Variants in EPB41L1 observed in about 807,000 individuals in gnomAD.
EPB41L1 encodes erythrocyte membrane protein band 4.1 like 1.
In EPB41L1, 29 loss-of-function variants were observed where a neutral mutation model predicts 97.8. The ratio of observed to expected loss-of-function variants is 0.30; its 90% CI spans 0.22 to 0.40. The LOEUF (loss-of-function observed/expected upper bound fraction) is 0.40, where lower values mean the gene tolerates loss of function less well. Among genes scored for constraint, EPB41L1 ranks in the 10% least tolerant of loss-of-function variants. EPB41L1 has a pLI of 1.00. For synonymous variants in EPB41L1, 383 were observed against 459.2 expected, an observed-to-expected ratio of 0.83 and a Z score of 2.12; for missense variants, 812 against 1,162.3, an observed-to-expected ratio of 0.70 and a Z score of 4.38.
chr20:36,166,869 AAAAG>A (rs2060759070), intron 1 of EPB41L1, among the ~76,000 whole-genome samples: 1 of 152,188 alleles, frequency 6.6e-6, no homozygotes, highest in African/African-American at 2.4e-5. Context: ...TCTCCAAAAA[AAAAG>A]AAAGAGAAAA....
At chr20:36,210,752 T>G (rs1461362162) in intron 15 of EPB41L1, among the ~76,000 whole-genome samples, 1 of 152,162 alleles carries the variant, frequency 6.6e-6, no homozygotes, top group Non-Finnish European at 1.5e-5. Context: ...TGCCCTGTAA[T>G]GCCTATGCTC....
intron 15 of EPB41L1, among the ~76,000 whole-genome samples, chr20:36,210,471 C>T (rs141077348): frequency 2.6e-5 from 4 of 152,190 alleles, no homozygotes; most frequent in South Asian, 4.1e-4. Flanking sequence ...CTCTAAGGCA[C>T]GCCTGCCCAT....
intron 2 of EPB41L1, among the ~76,000 whole-genome samples, chr20:36,121,311 G>C (rs2058745504): frequency 6.6e-6 from 1 of 152,172 alleles, no homozygotes; most frequent in Non-Finnish European, 1.5e-5. Flanking sequence ...TCGTTCTCTG[G>C]CATTTCCCAA....
chr20:36,208,396 C>T (rs775271847), intron 14 of EPB41L1: 7 of 446,090 alleles, frequency 1.6e-5, no homozygotes, highest in African/African-American at 1.4e-4. Context: ...TTGCCAGCCC[C>T]TCGGGCCCTC....
intron 1 of EPB41L1, among the ~76,000 whole-genome samples, chr20:36,157,226 G>A (rs1207405233): frequency 1.0e-4 from 15 of 149,842 alleles, no homozygotes; most frequent in Admixed American, 8.6e-4. Flanking sequence ...CCCTCTCAAA[G>A]AAAAAAAAAG....
rs780799079 is a variant in EPB41L1, at chr20:36,207,644, C to G, written c.1669-1844C>G. Reference sequence around the variant, plus strand: ...TTTGCCAGCCCCAAAGCCACACATTCCACAGTGATACCTCTGGCTACCAGA... The same window carrying G: ...TTTGCCAGCCCCAAAGCCACACATTGCACAGTGATACCTCTGGCTACCAGA... On this transcript the variant is annotated intron_variant, in intron 14 of 21. Transcript: ENST00000338074. This position sits in a 1 kb window ranked among gnomAD's most constrained non-coding sequence, Gnocchi z 4.9. 9.3e-6 allele frequency: 12 copies of G among 1,290,036 alleles called. No individual in the cohort carries two copies. Among genetic ancestry groups the G allele is most frequent in the Non-Finnish European group, 1.1e-5 (11 of 988,942 alleles). The allele number at this position is 1,290,036 out of a possible 1,614,324, so 79.9% of individuals were successfully genotyped here. A position where few individuals can be genotyped will look rare whatever the true frequency, so the allele number is the denominator to read the frequency against.
At chr20:36,161,930 TG>T (rs201722455) in intron 1 of EPB41L1, among the ~76,000 whole-genome samples, 3 of 151,476 alleles carry the variant, frequency 2.0e-5, no homozygotes, top group Non-Finnish European at 2.9e-5. Flanking sequence ...CCGGCTAATT[TG>T]GGGGGGGCAC....
intron 6 of EPB41L1, among the ~76,000 whole-genome samples, chr20:36,184,485 C>T (rs1007637589): frequency 6.6e-5 from 10 of 152,258 alleles, no homozygotes; most frequent in African/African-American, 1.9e-4. Flanking sequence ...AGACAATTTA[C>T]TTAGAGCTGG....
intron 1 of EPB41L1, among the ~76,000 whole-genome samples, chr20:36,156,324 C>T (rs1218459588): frequency 6.6e-6 from 1 of 152,232 alleles, no homozygotes; most frequent in Non-Finnish European, 1.5e-5. Flanking sequence ...CTATTAAAGC[C>T]CTTCCTGGGC....
chr20:36,128,617 G>A (rs1225599524), intron 2 of EPB41L1, among the ~76,000 whole-genome samples: 1 of 152,200 alleles, frequency 6.6e-6, no homozygotes, highest in Non-Finnish European at 1.5e-5. Flanking sequence ...CATTACCACA[G>A]GCTGCCCAGG....
chr20:36,108,155 T>A (rs1446145200), intron 1 of EPB41L1, among the ~76,000 whole-genome samples: 1 of 151,764 alleles, frequency 6.6e-6, no homozygotes, highest in Non-Finnish European at 1.5e-5. Context: ...AATTTTTTTA[T>A]TTTTTGTAGA....
chr20:36,094,236 T>C (rs1038236618), intron 1 of EPB41L1, among the ~76,000 whole-genome samples: 2 of 152,168 alleles, frequency 1.3e-5, no homozygotes, highest in Non-Finnish European at 2.9e-5. Flanking sequence ...GTATGTGTAG[T>C]TGTTTGTATA....
intron 7 of EPB41L1, among the ~76,000 whole-genome samples, chr20:36,186,341 AG>A (rs1288268191): frequency 1.1e-4 from 16 of 152,194 alleles, no homozygotes; most frequent in African/African-American, 3.6e-4. Flanking sequence ...TGCGGCACCC[AG>A]GGAAAGGAGT....
chr20:36,224,884 C>T (rs909373667), intron 21 of EPB41L1, among the ~76,000 whole-genome samples: 4 of 152,026 alleles, frequency 2.6e-5, no homozygotes, highest in African/African-American at 7.2e-5. Flanking sequence ...TGCAGTGGCA[C>T]GATCTTGGCT....
intron 21 of EPB41L1, 44 bp downstream of exon 21, chr20:36,222,438 C>A: frequency 6.7e-7 from 1 of 1,494,148 alleles, no homozygotes; most frequent in African/African-American, 1.4e-5. Context: ...GAGGAGGGAG[C>A]AGTAGCAAGA....
At position 36,190,380 on chromosome 20, in the gene EPB41L1, C is replaced by A; in HGVS notation, c.1124+6C>A. On this transcript the variant is annotated splice_donor_region_variant and intron_variant, in intron 10 of 21. Transcript: ENST00000338074. This position sits in a 1 kb window ranked among gnomAD's most constrained non-coding sequence, Gnocchi z 5.8. ...GAGCATCATACATTCTTCCGGTGAGCCTGACCTTGGATGGGGTAATGGGGA... is the reference window on the plus strand; with the variant it reads ...GAGCATCATACATTCTTCCGGTGAGACTGACCTTGGATGGGGTAATGGGGA... 6.2e-7 allele frequency: 1 copy of A among 1,613,704 alleles called. No individual in the cohort carries two copies. Among genetic ancestry groups the A allele is most frequent in the Non-Finnish European group, 8.5e-7 (1 of 1,179,824 alleles).
At chr20:36,091,640 T>C (rs1051487515) in intron 1 of EPB41L1, 1 of 152,230 alleles carries the variant, frequency 6.6e-6, no homozygotes, top group Non-Finnish European at 1.5e-5. Flanking sequence ...AGCAGGCCTT[T>C]GCATGTCTTG....
intron 2 of EPB41L1, among the ~76,000 whole-genome samples, chr20:36,114,609 A>G (rs554768561): frequency 5.3e-5 from 8 of 152,300 alleles, no homozygotes; most frequent in African/African-American, 1.4e-4. Flanking sequence ...AAACCAAAAA[A>G]TGACTTTAGT....
intron 6 of EPB41L1, among the ~76,000 whole-genome samples, chr20:36,184,313 G>A (rs561534956): frequency 1.1e-3 from 161 of 152,190 alleles, no homozygotes; most frequent in Non-Finnish European, 2.0e-3. Flanking sequence ...GGGAGGCATC[G>A]TTGGCTAAAA....
Sources: allele counts gnomAD v4.1 joint callset (sites outside exome capture counted in the v4.1 genomes callset), GRCh38; gene constraint gnomAD v4.1.1; non-coding constraint Gnocchi (gnomAD v3.1); transcripts MANE v1.5; gene names NCBI Gene and HGNC (gene_info 2026-07-23, HGNC 2026-07-21).